PHACTR4: variants seen among roughly 807,000 people sequenced by gnomAD.
The protein encoded by PHACTR4 is phosphatase and actin regulator 4.
In PHACTR4, 51 loss-of-function variants were observed where a neutral mutation model predicts 72.7. That is an observed-to-expected ratio of 0.70 (90% CI 0.56 to 0.89). The LOEUF (loss-of-function observed/expected upper bound fraction) is 0.89, where lower values mean the gene tolerates loss of function less well. Among genes scored for constraint, PHACTR4 ranks in the 40% least tolerant of loss-of-function variants. The pLI is 0.00. For missense variants in PHACTR4, 731 were observed against 861.8 expected, an observed-to-expected ratio of 0.85 and a Z score of 1.90; for synonymous variants, 255 against 302.5, an observed-to-expected ratio of 0.84 and a Z score of 1.63.
At chr1:28,391,292 G>A (rs940956748) in intron 1 of PHACTR4, among the ~76,000 whole-genome samples, 2 of 150,154 alleles carry the variant, frequency 1.3e-5, no homozygotes, top group African/African-American at 2.5e-5. Context: ...CCAGCTACTC[G>A]GGAGGCTGAG....
rs749630588 is a variant in PHACTR4, at chr1:28,489,182, A to G, written c.1773A>G (p.Gln591=). The change falls in exon 10 of 14, where the codon CAA becomes CAG. Residue 591 remains glutamine, a synonymous_variant. Coordinates refer to ENST00000373839, the MANE Select transcript of PHACTR4 (RefSeq NM_001048183.3). The part of the protein sequence containing the change: ...IGNTLIRRLS[Q]RPTPEELEQR... ...ATCTCATTTTTAGGCGACTGAGTCA[A>G]AGACCAACACCAGAAGAACTAGAAC... 1 of 1,612,816 alleles carries G rather than the reference A, an allele frequency of 6.2e-7. No individual in the cohort carries two copies. The highest frequency in any genetic ancestry group is 2.2e-5 in the East Asian group (1 of 44,854).
At chr1:28,495,609 A>ATT (rs201441752) in intron 13 of PHACTR4, among the ~76,000 whole-genome samples, 1 of 143,782 alleles carries the variant, frequency 7.0e-6, no homozygotes, top group African/African-American at 2.9e-5. Flanking sequence ...ATTTTTATTT[A>ATT]TTTATTTTTT....
intron 2 of PHACTR4, among the ~76,000 whole-genome samples, chr1:28,415,402 A>C (rs1429099957): frequency 6.6e-6 from 1 of 152,216 alleles, no homozygotes; most frequent in Admixed American, 6.5e-5. Context: ...ACTTTCAAAA[A>C]TAGCTAATTC....
intron 1 of PHACTR4, 96 bp from the exon 2 acceptor site, chr1:28,407,314 T>C: frequency 1.9e-6 from 1 of 539,638 alleles, no homozygotes; most frequent in South Asian, 3.7e-5. Context: ...TTTTAAACTA[T>C]AGTCAATGTT....
intron 2 of PHACTR4, among the ~76,000 whole-genome samples, chr1:28,434,557 C>T (rs1370434848): frequency 1.3e-5 from 2 of 151,412 alleles, no homozygotes; most frequent in African/African-American, 4.9e-5. Context: ...CCTGACCTTG[C>T]GATCTGCCTA....
chr1:28,392,537 G>A (rs1264456799), intron 1 of PHACTR4, among the ~76,000 whole-genome samples: 1 of 151,620 alleles, frequency 6.6e-6, no homozygotes, highest in African/African-American at 2.4e-5. Flanking sequence ...AGAGTAGCTG[G>A]GATTACAGAT....
At chr1:28,453,726 A>G in intron 2 of PHACTR4, 2 of 1,194,230 alleles carry the variant, frequency 1.7e-6, no homozygotes, top group Non-Finnish European at 2.5e-6. Context: ...GAGGTTCTTC[A>G]GTTAGATCCT....
chr1:28,420,363 C>A (rs1655432445), intron 2 of PHACTR4, among the ~76,000 whole-genome samples: 1 of 152,108 alleles, frequency 6.6e-6, no homozygotes. Context: ...CTCACAAGAT[C>A]TGATGGTTTT....
chr1:28,468,205 A>G (rs1659333755), intron 6 of PHACTR4, among the ~76,000 whole-genome samples: 1 of 152,200 alleles, frequency 6.6e-6, no homozygotes, highest in African/African-American at 2.4e-5. Flanking sequence ...GAGCTTTCAC[A>G]TACTTATTTT....
At chr1:28,370,757 C>T (rs1651180810) in intron 1 of PHACTR4, among the ~76,000 whole-genome samples, 3 of 152,132 alleles carry the variant, frequency 2.0e-5, no homozygotes, top group Admixed American at 6.6e-5. Flanking sequence ...GAACCAGAAA[C>T]CCAGTGGCTT....
intron 4 of PHACTR4, 66 bp from the exon 5 acceptor site, chr1:28,465,619 T>C (rs1659106415): frequency 4.8e-6 from 7 of 1,465,554 alleles, no homozygotes; most frequent in Non-Finnish European, 5.5e-6. Flanking sequence ...AAAAAGAAAT[T>C]ACTAACTCTT....
At chr1:28,475,996 G>A (rs1400253950) in intron 7 of PHACTR4, 111 bp from the exon 8 acceptor site, 2 of 1,029,030 alleles carry the variant, frequency 1.9e-6, no homozygotes, top group Admixed American at 6.5e-5. Flanking sequence ...CCAAAGTGCT[G>A]GGATTACAGC....
intron 2 of PHACTR4, among the ~76,000 whole-genome samples, chr1:28,433,462 C>CTTTTTTTTTTTTTTTCT (rs567134987): frequency 7.7e-6 from 1 of 130,532 alleles, no homozygotes; most frequent in Non-Finnish European, 1.6e-5. Flanking sequence ...TTCTTTTTTT[C>CTTTTTTTTTTTTTTTCT]TTTTTTTTTT....
chr1:28,492,568 C>T lies in PHACTR4; in HGVS notation c.2017-447C>T, dbSNP rs558129786. Among the ~76,000 whole-genome samples, 6 of 152,108 alleles carry T rather than the reference C, an allele frequency of 3.9e-5. No homozygotes were observed. The South Asian group carries it at 1.2e-3, about 32-fold the overall frequency. On this transcript the variant is annotated intron_variant, in intron 12 of 13. Coordinates refer to ENST00000373839, the MANE Select transcript of PHACTR4 (RefSeq NM_001048183.3). ...CTTGAGGTCAGGAGTTCAAGACCAGCCTGGCCAACATGGTGAAACCCTGTC... is the reference window on the plus strand; with the variant it reads ...CTTGAGGTCAGGAGTTCAAGACCAGTCTGGCCAACATGGTGAAACCCTGTC...
chr1:28,391,279 G>A (rs545951086), intron 1 of PHACTR4, among the ~76,000 whole-genome samples: 2 of 149,232 alleles, frequency 1.3e-5, no homozygotes, highest in African/African-American at 5.0e-5. Context: ...GGCACCTGTA[G>A]TCCCAGCTAC....
intron 1 of PHACTR4, among the ~76,000 whole-genome samples, chr1:28,375,381 T>C (rs977903376): frequency 2.9e-4 from 39 of 135,706 alleles, no homozygotes; most frequent in Non-Finnish European, 5.7e-4. Context: ...AAGAAGATTA[T>C]TTATAAAGAG....
intron 4 of PHACTR4, among the ~76,000 whole-genome samples, chr1:28,463,920 C>T (rs986272905): frequency 6.6e-6 from 1 of 152,068 alleles, no homozygotes; most frequent in Non-Finnish European, 1.5e-5. Context: ...TTTGTAGAGA[C>T]AGGGTCTTAC....
chr1:28,398,096 C>T (rs752388273), intron 1 of PHACTR4, among the ~76,000 whole-genome samples: 15 of 152,046 alleles, frequency 9.9e-5, no homozygotes, highest in Non-Finnish European at 1.5e-4. Context: ...GCCACAGTTA[C>T]CAAGTTGAGG....
intron 1 of PHACTR4, among the ~76,000 whole-genome samples, chr1:28,387,087 C>A (rs532646976): frequency 6.6e-6 from 1 of 151,978 alleles, no homozygotes; most frequent in Non-Finnish European, 1.5e-5. Flanking sequence ...ATGGTGAAAC[C>A]CTGTCTCTAC....
Sources: gnomAD v4.1 joint callset for allele counts (sites outside exome capture counted in the v4.1 genomes callset) on GRCh38, gnomAD v4.1.1 for gene constraint, MANE v1.5 for transcripts, NCBI Gene and HGNC (gene_info 2026-07-23, HGNC 2026-07-21) for gene names.